BABAM2: variants seen among roughly 807,000 people sequenced by gnomAD.
BABAM2 encodes BRISC and BRCA1-A complex member 2.
BABAM2 carries 31 observed loss-of-function variants against 54.7 expected under a neutral mutation model. That is an observed-to-expected ratio of 0.57 (90% CI 0.43 to 0.77). BABAM2 has a LOEUF of 0.77. Among genes scored for constraint, BABAM2 ranks in the 30% least tolerant of loss-of-function variants. The probability of loss-of-function intolerance (pLI) is 0.00; values close to 1 mark genes in which losing one functional copy is unlikely to be tolerated. For missense variants in BABAM2, 364 were observed against 455.8 expected, an observed-to-expected ratio of 0.80 and a Z score of 1.83; for synonymous variants, 167 against 162.9, an observed-to-expected ratio of 1.03 and a Z score of -0.19.
intron 4 of BABAM2, among the ~76,000 whole-genome samples, chr2:28,001,190 C>G (rs958571582): frequency 1.3e-5 from 2 of 152,196 alleles, no homozygotes; most frequent in African/African-American, 2.4e-5. Flanking sequence ...TTACTGATGT[C>G]TTCAACTCTT....
chr2:27,921,327 TCTTTTA>T (rs2148331103), intron 2 of BABAM2, among the ~76,000 whole-genome samples: 1 of 152,314 alleles, frequency 6.6e-6, no homozygotes, highest in East Asian at 1.9e-4. Context: ...TATTTTGTCA[TCTTTTA>T]CTTCTCATTT....
intron 6 of BABAM2, among the ~76,000 whole-genome samples, chr2:28,071,543 C>T (rs562709878): frequency 6.6e-6 from 1 of 152,264 alleles, no homozygotes; most frequent in South Asian, 2.1e-4. Context: ...GTGGTAGTAG[C>T]TGTTGGTGCA....
chr2:28,220,332 A>T (rs1047072990), intron 7 of BABAM2, among the ~76,000 whole-genome samples: 19 of 152,320 alleles, frequency 1.2e-4, no homozygotes, highest in Non-Finnish European at 2.5e-4. Flanking sequence ...TGTAAGGGTT[A>T]AATAAAGATA....
chr2:28,271,321 A>G (rs1685410114), intron 10 of BABAM2, among the ~76,000 whole-genome samples: 1 of 151,952 alleles, frequency 6.6e-6, no homozygotes. Flanking sequence ...AAGAGCCACT[A>G]CCTCCCACCC....
chr2:28,132,437 CTCT>C (rs967821321), intron 7 of BABAM2, among the ~76,000 whole-genome samples: 7 of 152,126 alleles, frequency 4.6e-5, no homozygotes, highest in South Asian at 2.1e-4. Context: ...CACGCCTGGC[CTCT>C]TCTTCTTTCT....
intron 7 of BABAM2, among the ~76,000 whole-genome samples, chr2:28,180,031 A>C (rs565195479): frequency 5.9e-5 from 9 of 152,284 alleles, no homozygotes; most frequent in Non-Finnish European, 1.2e-4. Flanking sequence ...TGTTAAAATG[A>C]CTATACTACT....
At chr2:27,976,230 A>G (rs780168673) in intron 3 of BABAM2, among the ~76,000 whole-genome samples, 2 of 152,146 alleles carry the variant, frequency 1.3e-5, no homozygotes, top group African/African-American at 4.8e-5. Flanking sequence ...TGATAAATGT[A>G]CATTCACGCA....
intron 7 of BABAM2, among the ~76,000 whole-genome samples, chr2:28,232,097 T>C (rs1251027386): frequency 1.3e-5 from 2 of 152,148 alleles, no homozygotes; most frequent in African/African-American, 2.4e-5. Context: ...CAAGCCACTG[T>C]GCCTGGTCAG....
At chr2:27,903,760 G>A (rs1665990456) in intron 2 of BABAM2, among the ~76,000 whole-genome samples, 1 of 152,092 alleles carries the variant, frequency 6.6e-6, no homozygotes, top group Non-Finnish European at 1.5e-5. Flanking sequence ...TGCAATTTGA[G>A]GTGCAAAGCA....
At chr2:28,108,558 G>T (rs1187295106) in intron 6 of BABAM2, among the ~76,000 whole-genome samples, 3 of 152,288 alleles carry the variant, frequency 2.0e-5, no homozygotes, top group Non-Finnish European at 4.4e-5. Flanking sequence ...TTCTAAATCT[G>T]TTCATCAGCA....
rs191784685 is a variant in BABAM2 at position 27,903,847 on chromosome 2, C to T, written c.128+9163C>T. On this transcript the variant is annotated intron_variant, in intron 2 of 11. Transcript: ENST00000379624. ...TTGTTCTTATGTTAGGTCTTAGCAA[C>T]ATCAGCATATTTTTTTTTAATTCCT... Among the ~76,000 whole-genome samples, 11 of 152,246 alleles carry T rather than the reference C, an allele frequency of 7.2e-5. No homozygotes were observed. In the East Asian group the frequency reaches 2.1e-3, roughly 29 times the overall value.
chr2:28,110,970 C>CTT (rs551330384), intron 6 of BABAM2, among the ~76,000 whole-genome samples: 1,609 of 133,080 alleles, frequency 0.012, 37 homozygotes, highest in African/African-American at 0.042. Flanking sequence ...TTGGCTGTTT[C>CTT]TTTTTTTTTT....
intron 10 of BABAM2, among the ~76,000 whole-genome samples, chr2:28,250,272 A>G (rs1426750344): frequency 6.7e-6 from 1 of 149,410 alleles, no homozygotes. Context: ...CTGCTGAAGC[A>G]GGCGTGGCTG....
rs116137831 is a variant in BABAM2 at position 27,987,709 on chromosome 2, G to C, written c.206-284G>C. Among the ~76,000 whole-genome samples, 1,178 of 151,742 alleles carry C rather than the reference G, an allele frequency of 7.8e-3. 11 individuals are homozygous for C. The highest frequency in any genetic ancestry group is 0.027 in the African/African-American group (1,126 of 41,336). On this transcript the variant is annotated intron_variant, in intron 3 of 11. Coordinates refer to ENST00000379624, the MANE Select transcript of BABAM2 (RefSeq NM_199191.3). ...ATGTTCCTGTAGGCTCAGCTCCTTG[G>C]GGGGCTGAGATGGGAGAATTGCTTG... is the stretch of plus-strand genomic sequence containing the variant.
rs968270898 is a variant in BABAM2 at position 28,115,218 on chromosome 2, C to G, written c.571-14053C>G. Among the ~76,000 whole-genome samples, 8 of 143,740 alleles carry G rather than the reference C, an allele frequency of 5.6e-5. No individual in the cohort carries two copies. The South Asian group carries it at 1.8e-3, about 32-fold the overall frequency. 94.3% of individuals were successfully genotyped at this position (143,740 alleles called of 152,430 possible). A position where few individuals can be genotyped will look rare whatever the true frequency, so the allele number is the denominator to read the frequency against. ...ACACACACACACACACACACACACA[C>G]ACACACAAACCAATCAAATACTATC... is the stretch of plus-strand genomic sequence containing the variant. On this transcript the variant is annotated intron_variant, in intron 6 of 11. Transcript: ENST00000379624.
intron 3 of BABAM2, among the ~76,000 whole-genome samples, chr2:27,949,096 A>G (rs1193034295): frequency 6.6e-6 from 1 of 152,222 alleles, no homozygotes; most frequent in African/African-American, 2.4e-5. Flanking sequence ...CACTGTCACC[A>G]TGTCTGACCA....
intron 10 of BABAM2, among the ~76,000 whole-genome samples, chr2:28,284,194 A>C (rs1686610603): frequency 6.6e-6 from 1 of 152,218 alleles, no homozygotes; most frequent in Non-Finnish European, 1.5e-5. Flanking sequence ...ATCTCAAATG[A>C]AATTTCTAAT....
intron 2 of BABAM2, among the ~76,000 whole-genome samples, chr2:27,920,200 G>T (rs761328470): frequency 5.3e-5 from 8 of 152,000 alleles, no homozygotes; most frequent in Non-Finnish European, 5.9e-5. Flanking sequence ...ATTTTAATTT[G>T]TCCTTTTTGC....
chr2:28,014,435 A>G (rs1338569123), intron 4 of BABAM2, among the ~76,000 whole-genome samples: 1 of 152,150 alleles, frequency 6.6e-6, no homozygotes, highest in Non-Finnish European at 1.5e-5. Flanking sequence ...TTACCGGCAT[A>G]CATTCAGTTT....
Sources: allele counts gnomAD v4.1 joint callset (sites outside exome capture counted in the v4.1 genomes callset), GRCh38; gene constraint gnomAD v4.1.1; transcripts MANE v1.5; gene names NCBI Gene and HGNC (gene_info 2026-07-23, HGNC 2026-07-21).